The following EIF5 variants were observed in gnomAD, a reference collection of about 807,000 sequenced individuals.
EIF5 encodes eukaryotic translation initiation factor 5.
EIF5 carries 10 observed loss-of-function variants against 48.3 expected under a neutral mutation model. The observed-to-expected ratio is 0.21, with a 90% CI of 0.13 to 0.35. EIF5 has a LOEUF of 0.35. Ranked by LOEUF, EIF5 falls within the 10% of genes least tolerant of loss-of-function variation. The pLI, the probability that EIF5 is intolerant of heterozygous loss-of-function variation, is 1.00. For missense variants in EIF5, 397 were observed against 533.2 expected (o/e 0.74, Z 2.51); for synonymous variants, 237 against 173.1 (o/e 1.37, Z -2.90).
Position 103,344,284 on chromosome 14 carries a change from A to G in EIF5, c.*3232A>G, listed in dbSNP as rs1247404242. ...CCAAACAGTTTTTTTCTGGGAATCAAATTTCTGTGGTTTTTATGGCCAGAA... is the reference window on the plus strand; with the variant it reads ...CCAAACAGTTTTTTTCTGGGAATCAGATTTCTGTGGTTTTTATGGCCAGAA... On this transcript the variant is annotated 3_prime_UTR_variant, in exon 12 of 12. Transcript: ENST00000216554. 1 of 152,100 alleles carries G rather than the reference A, an allele frequency of 6.6e-6. No homozygotes were observed. Among genetic ancestry groups the G allele is most frequent in the African/African-American group, 2.4e-5 (1 of 41,396 alleles). The allele number at this position is 152,100 out of a possible 1,614,324, so 9.4% of individuals were successfully genotyped here.
rs1327333781 is a variant in EIF5 at position 103,344,612 on chromosome 14, G to T, written c.*3560G>T. The stretch of plus-strand genomic sequence containing the variant: ...TCAATCCCACTGGAAGCCTAATGCT[G>T]CAGTCAGAAGCAATGCCTGGCTGGG... On this transcript the variant is annotated 3_prime_UTR_variant, in exon 12 of 12. Coordinates refer to ENST00000216554, the MANE Select transcript of EIF5 (RefSeq NM_001969.5). 1 of 152,200 alleles carries T rather than the reference G, an allele frequency of 6.6e-6. No homozygotes were observed. Among genetic ancestry groups the T allele is most frequent in the Non-Finnish European group, 1.5e-5 (1 of 68,046 alleles). 9.4% of individuals were successfully genotyped at this position (152,200 alleles called of 1,614,324 possible). A position where few individuals can be genotyped will look rare whatever the true frequency, so the allele number is the denominator to read the frequency against.
intron 10 of EIF5, 61 bp from the exon 11 acceptor site, chr14:103,340,366 T>C: frequency 6.4e-7 from 1 of 1,566,392 alleles, no homozygotes; most frequent in Non-Finnish European, 8.7e-7. Flanking sequence ...AGGGGGATTG[T>C]ATAAATAATC....
rs2089277521 is a variant in EIF5, at chr14:103,335,762, C to G, written c.-99C>G. On this transcript the variant is annotated 5_prime_UTR_variant, in exon 3 of 12. Transcript: ENST00000216554. ...TCATGTCAGAGACCGAGAACTCTTG[C>G]AGTCGTTTATGTCATCCCTTCTTCT... The G allele has an allele frequency of 2.2e-6, 3 of 1,366,324 alleles. No individual in the cohort carries two copies. The highest frequency in any genetic ancestry group is 1.4e-5 in the African/African-American group (1 of 69,144). The allele number at this position is 1,366,324 out of a possible 1,614,324, so 84.6% of individuals were successfully genotyped here.
At chr14:103,339,390 G>C (rs2089326863) in intron 9 of EIF5, 57 bp downstream of exon 9, 2 of 1,544,986 alleles carry the variant, frequency 1.3e-6, no homozygotes, top group African/African-American at 1.4e-5. Flanking sequence ...CTTTCGAGAT[G>C]GTCATATTAA....
rs2089275676 is a variant in EIF5, at chr14:103,335,593, A to G, written c.-208-60A>G. The G allele has an allele frequency of 5.7e-6, 3 of 523,346 alleles. No individual in the cohort carries two copies. In the South Asian group the frequency reaches 7.4e-5, roughly 13 times the overall value. 32.4% of individuals were successfully genotyped at this position (523,346 alleles called of 1,614,324 possible). ...TAGGATGTAAAAAGGAGGCGTTTCC[A>G]TCCAGCGATGATGTTAAACCTGGGG... On this transcript the variant is annotated intron_variant, in intron 2 of 11. Coordinates refer to ENST00000216554, the MANE Select transcript of EIF5 (RefSeq NM_001969.5).
rs1404966629 is a variant in EIF5 at position 103,338,863 on chromosome 14, G to A, written c.714G>A (p.Glu238=). ...ATGATTTGGAAAGAACAATTGAGGA[G>A]AGGGTCAATATCCTCTTTGATTTTG... is the stretch of plus-strand genomic sequence containing the variant. ...LSDDLERTIE[E]RVNILFDFVK... is the part of the protein sequence containing the mutation. Residue 238 remains glutamate, a synonymous_variant, in exon 8 of 12, where the codon GAG becomes GAA. Transcript: ENST00000216554. The A allele has an allele frequency of 1.2e-6, 2 of 1,614,038 alleles. No homozygotes were observed. The highest frequency in any genetic ancestry group is 3.3e-5 in the Admixed American group (2 of 59,980).
chr14:103,339,532 C>A, intron 9 of EIF5, 107 bp from the exon 10 acceptor site: 1 of 1,528,870 alleles, frequency 6.5e-7, no homozygotes, highest in Non-Finnish European at 8.9e-7. Context: ...CCTTTTTGAA[C>A]AACTATGGTA....
In EIF5 at chr14:103,341,017, A is replaced by G. The variant is rs748629485; in HGVS notation, c.1261A>G (p.Asn421Asp). 2.5e-6 allele frequency: 4 copies of G among 1,614,186 alleles called. No homozygotes were observed. The highest frequency in any genetic ancestry group is 1.7e-5 in the Admixed American group (1 of 60,032). Residue 421 changes from asparagine to aspartate, a missense_variant, in exon 12 of 12, where the codon AAC becomes GAC. By Grantham distance (23) the Asn-to-Asp change is conservative (BLOSUM62 1). Transcript: ENST00000216554. ...GAAAGTTGAGACTGTAAAGTCAGACAACAAGGATGACGACATCGATATTGA... is the reference window on the plus strand; with the variant it reads ...GAAAGTTGAGACTGTAAAGTCAGACGACAAGGATGACGACATCGATATTGA... ...VPKVETVKSD[N>D]KDDDIDIDAI is the part of the protein sequence containing the mutation.
intron 4 of EIF5, 182 bp from the exon 5 acceptor site, chr14:103,336,495 C>A: frequency 1.6e-6 from 1 of 629,250 alleles, no homozygotes; most frequent in Non-Finnish European, 2.6e-6. Flanking sequence ...GGGGGAGAAT[C>A]GCTTGAACCC....
At position 103,341,559 on chromosome 14, in the gene EIF5, T is replaced by A. The variant is rs775313485; in HGVS notation, c.*507T>A. ...AGCCCATTAAGAAAGTACTAAAGTT[T>A]TATCTCTGTAGTTCCTCAAATTGGC... On this transcript the variant is annotated 3_prime_UTR_variant, in exon 12 of 12. Coordinates refer to ENST00000216554, the MANE Select transcript of EIF5 (RefSeq NM_001969.5). The A allele has an allele frequency of 6.4e-6, 1 of 155,342 alleles. No homozygotes were observed. The highest frequency in any genetic ancestry group is 2.4e-5 in the African/African-American group (1 of 41,452). 9.6% of individuals were successfully genotyped at this position (155,342 alleles called of 1,614,324 possible). A position where few individuals can be genotyped will look rare whatever the true frequency, so the allele number is the denominator to read the frequency against.
intron 2 of EIF5, chr14:103,334,854 C>T (rs1320957104): frequency 1.3e-5 from 2 of 152,122 alleles, no homozygotes; most frequent in African/African-American, 2.4e-5. Context: ...ATCGCGCGCT[C>T]TGGGGCGGGG....
chr14:103,340,462 A>G lies in EIF5; in HGVS notation c.1107A>G (p.Lys369=). The change falls in exon 11 of 12, where the codon AAA becomes AAG. Residue 369 remains lysine, a synonymous_variant. Transcript: ENST00000216554. ...AATATGTCTCCAAAGAACTTGCCAA[A>G]GAGATTCGTGTCAAAGCAGAACCAT... is the stretch of plus-strand genomic sequence containing the variant. The part of the protein sequence containing the change: ...SKKYVSKELA[K]EIRVKAEPFI... 6.2e-7 allele frequency: 1 copy of G among 1,608,890 alleles called. No individual in the cohort carries two copies. Among genetic ancestry groups the G allele is most frequent in the Non-Finnish European group, 8.5e-7 (1 of 1,175,412 alleles).
intron 2 of EIF5, 97 bp from the exon 3 acceptor site, chr14:103,335,556 C>G (rs556017003): frequency 1.9e-5 from 8 of 430,558 alleles, no homozygotes; most frequent in African/African-American, 1.6e-4. Flanking sequence ...TGGAGTTAAG[C>G]AGAAGCATAA....
chr14:103,339,559 A>C, intron 9 of EIF5, 80 bp from the exon 10 acceptor site: 4 of 1,592,140 alleles, frequency 2.5e-6, no homozygotes, highest in Non-Finnish European at 3.4e-6. Flanking sequence ...ATGCACTTGC[A>C]GACACTCTTA....
Position 103,335,671 on chromosome 14 carries a change from G to T in EIF5, c.-190G>T. The T allele has an allele frequency of 1.7e-6, 1 of 596,850 alleles. No homozygotes were observed. Among genetic ancestry groups the T allele is most frequent in the Non-Finnish European group, 3.0e-6 (1 of 335,474 alleles). The allele number at this position is 596,850 out of a possible 1,614,324, so 37.0% of individuals were successfully genotyped here. Reference sequence around the variant, plus strand: ...CTTTCAGAGCTGTTGCGCAGCCATTGGTACCTGTATTGGGGAAACATAGCA... The same window carrying T: ...CTTTCAGAGCTGTTGCGCAGCCATTTGTACCTGTATTGGGGAAACATAGCA... On this transcript the variant is annotated 5_prime_UTR_variant, in exon 3 of 12. Transcript: ENST00000216554.
Position 103,339,167 on chromosome 14 carries a change from T to G in EIF5, c.745-5T>G, listed in dbSNP as rs376472965. On this transcript the variant is annotated splice_region_variant and splice_polypyrimidine_tract_variant and intron_variant, in intron 8 of 11. Coordinates refer to ENST00000216554, the MANE Select transcript of EIF5 (RefSeq NM_001969.5). ...TGCACTGAATTGTTTTCCTTTTCTT[T>G]GCAGAAAAAGAAAGAAGAGGGTGTT... 7.5e-6 allele frequency: 12 copies of G among 1,599,546 alleles called. No individual in the cohort carries two copies. The Admixed American group carries it at 2.2e-4, about 29-fold the overall frequency.
At chr14:103,334,799 C>G (rs1166987114) in intron 2 of EIF5, 1 of 150,160 alleles carries the variant, frequency 6.7e-6, no homozygotes. Context: ...CGCGCGTGCC[C>G]GCCGCTCGGG....
rs143387270 is a variant in EIF5 at position 103,344,011 on chromosome 14, C to T, written c.*2959C>T. 1.3e-5 allele frequency: 2 copies of T among 152,210 alleles called. No individual in the cohort carries two copies. Among genetic ancestry groups the T allele is most frequent in the Non-Finnish European group, 2.9e-5 (2 of 68,054 alleles). 9.4% of individuals were successfully genotyped at this position (152,210 alleles called of 1,614,324 possible). A position where few individuals can be genotyped will look rare whatever the true frequency, so the allele number is the denominator to read the frequency against. On this transcript the variant is annotated 3_prime_UTR_variant, in exon 12 of 12. Coordinates refer to ENST00000216554, the MANE Select transcript of EIF5 (RefSeq NM_001969.5). ...CTCCCTGACTACTACAAAGCCAGAG[C>T]AGTCTTAGTACCAGAAACAGTGTTG...
At chr14:103,336,226 TAAGTG>T in intron 4 of EIF5, 109 bp downstream of exon 4, 2 of 1,123,754 alleles carry the variant, frequency 1.8e-6, no homozygotes, top group African/African-American at 3.2e-5. Flanking sequence ...CCTTACAAGT[TAAGTG>T]AGGAACCGTG....
Sources: allele counts gnomAD v4.1 joint callset, GRCh38; gene constraint gnomAD v4.1.1; transcripts MANE v1.5; gene names NCBI Gene and HGNC (gene_info 2026-07-23, HGNC 2026-07-21).